APLP1: variants seen among roughly 807,000 people sequenced by gnomAD.
APLP1 encodes amyloid beta precursor like protein 1, also known as amyloid beta (A4) precursor-like protein 1.
In APLP1, 46 loss-of-function variants were observed where a neutral mutation model predicts 84.5. The observed-to-expected ratio is 0.54, with a 90% CI of 0.43 to 0.70. The LOEUF is 0.70. APLP1 is among the 30% of genes least tolerant of loss of function. The pLI is 0.00. For synonymous variants in APLP1, 376 were observed against 364.0 expected (o/e 1.03, Z -0.38); for missense variants, 826 against 900.2 (o/e 0.92, Z 1.05).
At chr19:35,876,972 C>T (rs1974296720) in intron 11 of APLP1, among the ~76,000 whole-genome samples, 1 of 152,142 alleles carries the variant, frequency 6.6e-6, no homozygotes, top group South Asian at 2.1e-4. Flanking sequence ...TAGCTAGATT[C>T]CCTACATGGT....
At chr19:35,870,372 T>C (rs1407278889) in intron 2 of APLP1, 3 of 167,612 alleles carry the variant, frequency 1.8e-5, no homozygotes, top group Non-Finnish European at 3.9e-5. Context: ...GACGGGACTT[T>C]TAAGGGAAAA....
rs116329864 is a variant in APLP1 at position 35,876,897 on chromosome 19, C to G, written c.1444+281C>G. Among the ~76,000 whole-genome samples the G allele has an allele frequency of 9.2e-3, 1,405 of 152,304 alleles. 20 individuals carry two copies. Among genetic ancestry groups the G allele is most frequent in the African/African-American group, 0.032 (1,314 of 41,554 alleles). On this transcript the variant is annotated intron_variant, in intron 11 of 16. Coordinates refer to ENST00000221891, the MANE Select transcript of APLP1 (RefSeq NM_001024807.3). ...GTCTAGCACAAATGGACCTTTCTCT[C>G]TCTCCAAGGAAGCGCAAGGCCTCTC... is the stretch of plus-strand genomic sequence containing the variant.
Position 35,874,651 on chromosome 19 carries a change from G to C in APLP1, c.1204G>C (p.Asp402His). The C allele has an allele frequency of 6.2e-7, 1 of 1,613,638 alleles. No individual in the cohort carries two copies. Among genetic ancestry groups the C allele is most frequent in the Non-Finnish European group, 8.5e-7 (1 of 1,179,968 alleles). ...GGGCTTCCTGGCAGCCCTGCAGGCA[G>C]ATCCGCCTCAGGTGCGGGGACCGTG... Reference protein sequence around the residue: ...LEGFLAALQADPPQAERVLLA... With the variant: ...LEGFLAALQAHPPQAERVLLA... Residue 402 changes from aspartate to histidine, a missense_variant, in exon 9 of 17, where the codon GAT becomes CAT. Physicochemically the swap from Asp to His is moderately conservative, Grantham distance 81. This residue lies in a region of APLP1 where 433 missense variants were observed against 496.5 expected (regional missense o/e 0.87). Transcript: ENST00000221891. The surrounding 1 kb of genome is among the most constrained non-coding windows in gnomAD (Gnocchi z 6.4).
Position 35,876,528 on chromosome 19 carries a change from C to T in APLP1, c.1356C>T (p.His452=). ...CCACTCACCCACAGGTGCATACCCACCTTCAAGTGATTGAGGAGAGGGTGA... is the reference window on the plus strand; with the variant it reads ...CCACTCACCCACAGGTGCATACCCATCTTCAAGTGATTGAGGAGAGGGTGA... The part of the protein sequence containing the change: ...AQQMRFQVHT[H]LQVIEERVNQ... Residue 452 remains histidine, a synonymous_variant, in exon 11 of 17, where the codon CAC becomes CAT. Transcript: ENST00000221891. The T allele has an allele frequency of 1.2e-6, 2 of 1,614,086 alleles. No homozygotes were observed. Among genetic ancestry groups the T allele is most frequent in the Non-Finnish European group, 1.7e-6 (2 of 1,179,970 alleles).
At position 35,874,373 on chromosome 19, in the gene APLP1, C is replaced by G; in HGVS notation, c.1057-131C>G. 1 of 1,142,336 alleles carries G rather than the reference C, an allele frequency of 8.8e-7. No individual in the cohort carries two copies. Among genetic ancestry groups the G allele is most frequent in the Non-Finnish European group, 1.3e-6 (1 of 792,306 alleles). The allele number at this position is 1,142,336 out of a possible 1,614,324, so 70.8% of individuals were successfully genotyped here. A position where few individuals can be genotyped will look rare whatever the true frequency, so the allele number is the denominator to read the frequency against. On this transcript the variant is annotated intron_variant, in intron 8 of 16. Coordinates refer to ENST00000221891, the MANE Select transcript of APLP1 (RefSeq NM_001024807.3). This position sits in a 1 kb window ranked among gnomAD's most constrained non-coding sequence, Gnocchi z 6.4. ...TAGCCCACCCCTTCCAGTCCATAAC[C>G]TTTGGTTCTGCCCAGGCCTGGACCC... is the stretch of plus-strand genomic sequence containing the variant.
chr19:35,873,650 A>T lies in APLP1; in HGVS notation c.993A>T (p.Glu331Asp). 1 of 1,614,134 alleles carries T rather than the reference A, an allele frequency of 6.2e-7. No homozygotes were observed. Among genetic ancestry groups the T allele is most frequent in the Non-Finnish European group, 8.5e-7 (1 of 1,180,014 alleles). Residue 331 changes from glutamate (E) to aspartate (D), a missense_variant, in exon 8 of 17, where the codon GAA becomes GAT. Physicochemically the swap from Glu to Asp is conservative, Grantham distance 45. Coordinates refer to ENST00000221891, the MANE Select transcript of APLP1 (RefSeq NM_001024807.3). ...CCCTCCCTATGCAGGTGATGCGTGA[A>T]TGGGCCATGGCAGACAACCAGTCCA... Reference protein sequence around the residue: ...RMRQINEVMREWAMADNQSKN... With the variant: ...RMRQINEVMRDWAMADNQSKN...
In APLP1 at chr19:35,878,664, T is replaced by G; in HGVS notation, c.1650+10T>G. ...ACAGTATGAGCGAAAGGTAAGTTAG[T>G]CAGAACTGTGGGCTCCCTAAGGGGA... On this transcript the variant is annotated intron_variant, in intron 14 of 16. Coordinates refer to ENST00000221891, the MANE Select transcript of APLP1 (RefSeq NM_001024807.3). 1 of 1,613,872 alleles carries G rather than the reference T, an allele frequency of 6.2e-7. No individual in the cohort carries two copies. Among genetic ancestry groups the G allele is most frequent in the Non-Finnish European group, 8.5e-7 (1 of 1,179,932 alleles).
chr19:35,876,748 A>C, intron 11 of APLP1, 132 bp downstream of exon 11: 5 of 733,130 alleles, frequency 6.8e-6, no homozygotes, highest in Non-Finnish European at 1.1e-5. Flanking sequence ...AAAATCAACA[A>C]TGATTTTTCT....
intron 1 of APLP1, chr19:35,869,017 TC>T (rs1974069196): frequency 2.7e-6 from 1 of 364,214 alleles, no homozygotes; most frequent in Non-Finnish European, 4.8e-6. Flanking sequence ...GAGCCCCTGG[TC>T]CCAGAAGTCC....
intron 8 of APLP1, 90 bp downstream of exon 8, chr19:35,873,803 C>A: frequency 8.3e-7 from 1 of 1,209,592 alleles, no homozygotes; most frequent in South Asian, 1.3e-5. Flanking sequence ...CCTGCCCATC[C>A]AGTTCCACCC....
At position 35,877,707 on chromosome 19, in the gene APLP1, GT is replaced by G. The variant is rs1166748395; in HGVS notation, c.1445-10del. ...CACTACCTCAGCCACCTTTCTGCATGTCCCCCTCAGAGGAACTCCTCCACTC... is the reference window on the plus strand; with the variant it reads ...CACTACCTCAGCCACCTTTCTGCATGCCCCCTCAGAGGAACTCCTCCACTC... On this transcript the variant is annotated splice_polypyrimidine_tract_variant and intron_variant, in intron 11 of 16. Transcript: ENST00000221891. The G allele has an allele frequency of 6.2e-7, 1 of 1,604,718 alleles. No individual in the cohort carries two copies. Among genetic ancestry groups the G allele is most frequent in the Admixed American group, 1.7e-5 (1 of 59,714 alleles).
chr19:35,878,215 T>C lies in APLP1; in HGVS notation c.1579+107T>C, dbSNP rs547972111. On this transcript the variant is annotated intron_variant, in intron 13 of 16. Transcript: ENST00000221891. ...AACCTCAGACCCCCTGGGGTAGAGT[T>C]TGATGTACTTTCCAGCCCCCTCCTC... 1.9e-5 allele frequency: 24 copies of C among 1,246,270 alleles called. No individual in the cohort carries two copies. The African/African-American group carries it at 3.5e-4, about 18-fold the overall frequency. 77.2% of individuals were successfully genotyped at this position (1,246,270 alleles called of 1,614,324 possible).
chr19:35,869,496 C>A (rs1316666446), intron 1 of APLP1, 171 bp from the exon 2 acceptor site: 13 of 929,090 alleles, frequency 1.4e-5, no homozygotes, highest in Non-Finnish European at 2.0e-5. Flanking sequence ...CGCTGGGGCG[C>A]CCCCGCCCTA....
At chr19:35,878,857 C>T (rs1157540397) in intron 14 of APLP1, 33 bp from the exon 15 acceptor site, 2 of 1,612,954 alleles carry the variant, frequency 1.2e-6, no homozygotes, top group African/African-American at 2.7e-5. Context: ...CAGTGCCAGG[C>T]TTCTGGGTTC....
Position 35,876,525 on chromosome 19 carries a change from C to T in APLP1, c.1353C>T (p.Thr451=). The T allele has an allele frequency of 6.2e-7, 1 of 1,613,740 alleles. No individual in the cohort carries two copies. Among genetic ancestry groups the T allele is most frequent in the Non-Finnish European group, 8.5e-7 (1 of 1,179,706 alleles). The part of the protein sequence containing the change: ...KAQQMRFQVH[T]HLQVIEERVN... ...TGTCCACTCACCCACAGGTGCATAC[C>T]CACCTTCAAGTGATTGAGGAGAGGG... is the stretch of plus-strand genomic sequence containing the variant. Residue 451 remains threonine, a synonymous_variant, in exon 11 of 17, where the codon ACC becomes ACT. Transcript: ENST00000221891.
At chr19:35,871,804 C>A (rs1974154625) in intron 5 of APLP1, 54 bp from the exon 6 acceptor site, 1 of 1,612,866 alleles carries the variant, frequency 6.2e-7, no homozygotes, top group East Asian at 2.2e-5. Flanking sequence ...GGGATGGAAG[C>A]CTGGGAGCCC....
chr19:35,875,980 GC>G (rs1326962028), intron 10 of APLP1, among the ~76,000 whole-genome samples: 3 of 150,344 alleles, frequency 2.0e-5, no homozygotes, highest in African/African-American at 7.4e-5. Context: ...TTGCCATGTT[GC>G]CCAGGCTAGT....
Position 35,879,097 on chromosome 19 carries a change from C to T in APLP1, c.1737C>T (p.Ser579=). The change falls in exon 16 of 17, where the codon TCC becomes TCT. Residue 579 remains serine (S), a synonymous_variant. Coordinates refer to ENST00000221891, the MANE Select transcript of APLP1 (RefSeq NM_001024807.3). ...DELAPAGTGV[S]REAVSGLLIM... is the part of the protein sequence containing the mutation. ...AGGCACCAGCTGGGACAGGGGTGTC[C>T]CGTGAGGCTGTGTCGGGTCTGCTGA... 1 of 1,612,162 alleles carries T rather than the reference C, an allele frequency of 6.2e-7. No individual in the cohort carries two copies. The highest frequency in any genetic ancestry group is 8.5e-7 in the Non-Finnish European group (1 of 1,179,980).
chr19:35,873,175 A>G (rs1289901050), intron 7 of APLP1, among the ~76,000 whole-genome samples: 3 of 145,114 alleles, frequency 2.1e-5, no homozygotes, highest in Non-Finnish European at 4.5e-5. Flanking sequence ...TTCACTTTAA[A>G]CTCCTTCTGG....
Sources: allele counts gnomAD v4.1 joint callset (sites outside exome capture counted in the v4.1 genomes callset), GRCh38; gene constraint gnomAD v4.1.1; regional missense constraint gnomAD v4.1.1; non-coding constraint Gnocchi (gnomAD v3.1); transcripts MANE v1.5; gene names NCBI Gene and HGNC (gene_info 2026-07-23, HGNC 2026-07-21).